The following FGF14 variants were observed in gnomAD, a reference collection of about 807,000 sequenced individuals.
FGF14 encodes the protein fibroblast growth factor 14, also known as fibroblast growth factor homologous factor 4.
In FGF14, 5 loss-of-function variants were observed where a neutral mutation model predicts 25.5. The ratio of observed to expected loss-of-function variants is 0.20; its 90% confidence interval spans 0.10 to 0.41. The LOEUF (loss-of-function observed/expected upper bound fraction) is 0.41. FGF14 is among the 10% of genes least tolerant of loss of function. FGF14 has a pLI of 1.00. For missense variants in FGF14, 222 were observed against 320.1 expected (o/e 0.69, Z 2.34); for synonymous variants, 138 against 118.3 (o/e 1.17, Z -1.08).
At chr13:102,031,415 C>T (rs1387258984) in intron 1 of FGF14, among the ~76,000 whole-genome samples, 1 of 152,102 alleles carries the variant, frequency 6.6e-6, no homozygotes, top group Non-Finnish European at 1.5e-5. Flanking sequence ...TATTTGCCCA[C>T]ATTCGTACAG....
chr13:101,977,739 A>C (rs982607534), intron 1 of FGF14, among the ~76,000 whole-genome samples: 2 of 152,188 alleles, frequency 1.3e-5, no homozygotes, highest in African/African-American at 4.8e-5. Context: ...ACAAACAAAA[A>C]CAAAAAATGT....
chr13:102,378,595 A>ATATCTATCTATCTATCTATCTATC (rs4000839), intron 1 of FGF14, among the ~76,000 whole-genome samples: 1 of 140,358 alleles, frequency 7.1e-6, no homozygotes, highest in Non-Finnish European at 1.5e-5. Context: ...ATATATATCT[A>ATATCTATCTATCTATCTATCTATC]TATCTATCTA....
At chr13:102,368,284 T>C (rs1355502433) in intron 1 of FGF14, among the ~76,000 whole-genome samples, 2 of 152,200 alleles carry the variant, frequency 1.3e-5, no homozygotes, top group Admixed American at 6.5e-5. Context: ...ACCTACATGA[T>C]AGGGGTTTTA....
chr13:101,812,296 A>G (rs774573289), intron 3 of FGF14, among the ~76,000 whole-genome samples: 1 of 152,094 alleles, frequency 6.6e-6, no homozygotes, highest in Admixed American at 6.6e-5. Context: ...TCTGAGGACC[A>G]TAGACTCCCA....
At chr13:101,917,595 TC>T (rs1208990666), upstream of FGF14, among the ~76,000 whole-genome samples, 1 of 151,664 alleles carries the variant, frequency 6.6e-6, no homozygotes, top group African/African-American at 2.4e-5. Flanking sequence ...GTTTCCGCCC[TC>T]CCTGCTAATC....
At chr13:102,336,444 T>C (rs930319905) in intron 1 of FGF14, among the ~76,000 whole-genome samples, 2 of 151,960 alleles carry the variant, frequency 1.3e-5, no homozygotes, top group Non-Finnish European at 2.9e-5. Flanking sequence ...GAATTAAAAA[T>C]GGAAGCTAAA....
intron 1 of FGF14, among the ~76,000 whole-genome samples, chr13:102,167,312 CAA>C (rs10689114): frequency 6.9e-5 from 5 of 72,750 alleles, no homozygotes; most frequent in Middle Eastern, 6.7e-3. Flanking sequence ...CACTCCATCT[CAA>C]AAAAAAAAAA....
Position 101,887,768 on chromosome 13 carries a change from G to A in FGF14, c.194-12472C>T, listed in dbSNP as rs1181904116. ...TTCCCCACACAAAGAAATGATAAAT[G>A]TTTGAGGCAATGGATATCCTAGTTA... On this transcript the variant is annotated intron_variant, in intron 1 of 4. Coordinates refer to ENST00000376143, the MANE Select transcript of FGF14 (RefSeq NM_004115.4). Among the ~76,000 whole-genome samples, 3 of 152,256 alleles carry A rather than the reference G, an allele frequency of 2.0e-5. No homozygotes were observed. The East Asian group carries it at 5.8e-4, about 29-fold the overall frequency.
At chr13:102,157,599 C>A (rs1795487057) in intron 1 of FGF14, among the ~76,000 whole-genome samples, 1 of 152,112 alleles carries the variant, frequency 6.6e-6, no homozygotes, top group African/African-American at 2.4e-5. Context: ...TAGGCATGGG[C>A]AAGGACTTCA....
chr13:102,315,118 A>ATATATATG (rs1219811845), intron 1 of FGF14, among the ~76,000 whole-genome samples: 1 of 152,016 alleles, frequency 6.6e-6, no homozygotes, highest in Non-Finnish European at 1.5e-5. Flanking sequence ...TAATGTGGTA[A>ATATATATG]TATATATGTA....
At chr13:102,093,571 A>G (rs977626986) in intron 1 of FGF14, among the ~76,000 whole-genome samples, 1 of 152,162 alleles carries the variant, frequency 6.6e-6, no homozygotes, top group Non-Finnish European at 1.5e-5. Flanking sequence ...TCACAATAAA[A>G]AGTGATCTCT....
intron 1 of FGF14, among the ~76,000 whole-genome samples, chr13:102,194,441 CTG>C (rs2049262305): frequency 1.4e-5 from 2 of 138,386 alleles, no homozygotes; most frequent in African/African-American, 3.2e-5. Flanking sequence ...CACTGCCCCC[CTG>C]ACAGGCCCCA....
At chr13:101,764,133 G>A (rs2139925630) in intron 3 of FGF14, among the ~76,000 whole-genome samples, 1 of 152,230 alleles carries the variant, frequency 6.6e-6, no homozygotes, top group Middle Eastern at 3.4e-3. Flanking sequence ...GGCACTGAGT[G>A]GAAATAAAAA....
chr13:101,906,428 T>C (rs2032254694), intron 1 of FGF14, among the ~76,000 whole-genome samples: 1 of 152,162 alleles, frequency 6.6e-6, no homozygotes, highest in Admixed American at 6.6e-5. Context: ...TAAGCAGGAA[T>C]TATTTACAGA....
chr13:102,261,019 T>C (rs2052692511), intron 1 of FGF14, among the ~76,000 whole-genome samples: 1 of 152,172 alleles, frequency 6.6e-6, no homozygotes, highest in Non-Finnish European at 1.5e-5. Context: ...ACTGTGTCCA[T>C]AGGAGACACT....
intron 1 of FGF14, among the ~76,000 whole-genome samples, chr13:102,208,450 C>T (rs527345267): frequency 6.6e-6 from 1 of 152,310 alleles, no homozygotes; most frequent in South Asian, 2.1e-4. Context: ...GCAGATCACA[C>T]ACTCCTATCA....
chr13:101,816,411 A>G lies in FGF14; in HGVS notation c.408+52314T>C, dbSNP rs568590632. ...AACATGGTGAAAGAGAAGGATTAAAAATTCACCTAAAAGTGAAATTATACA... is the reference window on the plus strand; with the variant it reads ...AACATGGTGAAAGAGAAGGATTAAAGATTCACCTAAAAGTGAAATTATACA... On this transcript the variant is annotated intron_variant, in intron 3 of 4. Transcript: ENST00000376143. Among the ~76,000 whole-genome samples, 127 of 152,312 alleles carry G rather than the reference A, an allele frequency of 8.3e-4. 4 individuals are homozygous for G. The South Asian group carries it at 0.026, about 31-fold the overall frequency.
At chr13:102,278,599 T>G (rs2053660567) in intron 1 of FGF14, among the ~76,000 whole-genome samples, 1 of 151,278 alleles carries the variant, frequency 6.6e-6, no homozygotes, top group African/African-American at 2.4e-5. Context: ...GTAAGCAATG[T>G]AAGTGTCACT....
At position 101,719,647 on chromosome 13, in the gene FGF14, C is replaced by A. The variant is rs1242743187; in HGVS notation, c.*3184G>T. On this transcript the variant is annotated 3_prime_UTR_variant, in exon 5 of 5. Transcript: ENST00000376143. ...GAGCGTTGTTGAGGGACTGGCAAAG[C>A]AATCAGCTACTATAACAAATCAGTA... 6.6e-6 allele frequency: 1 copy of A among 151,988 alleles called. No individual in the cohort carries two copies. Among genetic ancestry groups the A allele is most frequent in the East Asian group, 1.9e-4 (1 of 5,164 alleles). The allele number at this position is 151,988 out of a possible 1,614,324, so 9.4% of individuals were successfully genotyped here. A position where few individuals can be genotyped will look rare whatever the true frequency, so the allele number is the denominator to read the frequency against.
Sources: gnomAD v4.1 joint callset for allele counts (sites outside exome capture counted in the v4.1 genomes callset) on GRCh38, gnomAD v4.1.1 for gene constraint, MANE v1.5 for transcripts, NCBI Gene and HGNC (gene_info 2026-07-23, HGNC 2026-07-21) for gene names.